PLG: variants seen among roughly 807,000 people sequenced by gnomAD.
The protein encoded by PLG is plasminogen, also known as plasmin.
A neutral mutation model predicts 104.4 loss-of-function variants in PLG; 41 were observed. The observed-to-expected ratio is 0.39, with a 90% CI of 0.31 to 0.51. The LOEUF is 0.51. PLG is among the 20% of genes least tolerant of loss of function. PLG has a pLI of 0.76. For synonymous variants in PLG, 337 were observed against 357.1 expected, an observed-to-expected ratio of 0.94 and a Z score of 0.63; for missense variants, 891 against 1,003.6, an observed-to-expected ratio of 0.89 and a Z score of 1.52.
intron 6 of PLG, among the ~76,000 whole-genome samples, chr6:160,715,875 C>A (rs1777719652): frequency 6.6e-6 from 1 of 152,274 alleles, no homozygotes; most frequent in Non-Finnish European, 1.5e-5. Flanking sequence ...CTGCTGGCTC[C>A]TCTTTCCATC....
chr6:160,715,224 T>C (rs939934448), intron 6 of PLG, among the ~76,000 whole-genome samples: 2 of 152,184 alleles, frequency 1.3e-5, no homozygotes, highest in Non-Finnish European at 2.9e-5. Flanking sequence ...CAAACACTAA[T>C]GTCAGTAATG....
At chr6:160,722,610 G>C in intron 10 of PLG, 43 bp downstream of exon 10, 1 of 1,581,004 alleles carries the variant, frequency 6.3e-7, no homozygotes, top group Non-Finnish European at 8.7e-7. Flanking sequence ...TCAGCCAACT[G>C]AAATTTCTGT....
chr6:160,706,701 CT>C, intron 2 of PLG, 159 bp downstream of exon 2: 2 of 719,724 alleles, frequency 2.8e-6, no homozygotes, highest in Non-Finnish European at 4.8e-6. Flanking sequence ...CTAACAGCTT[CT>C]TGTTAAGGTT....
chr6:160,740,833 C>T lies in PLG; in HGVS notation c.2019-478C>T, dbSNP rs367889094. Among the ~76,000 whole-genome samples, 6 of 152,080 alleles carry T rather than the reference C, an allele frequency of 3.9e-5. No individual in the cohort carries two copies. Among genetic ancestry groups the T allele is most frequent in the East Asian group, 1.9e-4 (1 of 5,190 alleles). On this transcript the variant is annotated intron_variant, in intron 16 of 18. Coordinates refer to ENST00000308192, the MANE Select transcript of PLG (RefSeq NM_000301.5). The surrounding 1 kb of genome is among the most constrained non-coding windows in gnomAD (Gnocchi z 5.2). ...TTTTACTGGATTCTTACAACTATGGCGTAGTAACATTCACTGAGGAGGAAA... is the reference window on the plus strand; with the variant it reads ...TTTTACTGGATTCTTACAACTATGGTGTAGTAACATTCACTGAGGAGGAAA...
rs1778169136 is a variant in PLG at position 160,740,319 on chromosome 6, C to T, written c.2019-992C>T. On this transcript the variant is annotated intron_variant, in intron 16 of 18. Coordinates refer to ENST00000308192, the MANE Select transcript of PLG (RefSeq NM_000301.5). The surrounding 1 kb of genome is among the most constrained non-coding windows in gnomAD (Gnocchi z 5.2). Reference sequence around the variant, plus strand: ...CCCAGTGTCCTCCCCGCCATCCCAGCAAATGTGCAAATAGAAGGTCCCCGT... The same window carrying T: ...CCCAGTGTCCTCCCCGCCATCCCAGTAAATGTGCAAATAGAAGGTCCCCGT... 6.6e-6 allele frequency among the ~76,000 whole-genome samples: 1 copy of T among 152,232 alleles called. No individual in the cohort carries two copies.
intron 10 of PLG, among the ~76,000 whole-genome samples, chr6:160,729,608 A>G (rs1018950010): frequency 2.0e-5 from 3 of 152,236 alleles, no homozygotes; most frequent in Non-Finnish European, 4.4e-5. Flanking sequence ...AAAATATATT[A>G]AGGAAAGGAG....
chr6:160,709,135 G>C (rs1476748489), intron 3 of PLG, among the ~76,000 whole-genome samples: 1 of 152,054 alleles, frequency 6.6e-6, no homozygotes, highest in East Asian at 1.9e-4. Context: ...TGACAGAAGG[G>C]AGCAAAAGGT....
intron 17 of PLG, among the ~76,000 whole-genome samples, chr6:160,749,460 A>G (rs1478404906): frequency 4.0e-5 from 6 of 148,182 alleles, no homozygotes; most frequent in Non-Finnish European, 7.4e-5. Flanking sequence ...CACCATCACC[A>G]TTAACATTAC....
intron 1 of PLG, among the ~76,000 whole-genome samples, chr6:160,705,008 G>C (rs1777491146): frequency 6.6e-6 from 1 of 152,190 alleles, no homozygotes; most frequent in African/African-American, 2.4e-5. Context: ...GCTGTCTTCA[G>C]AGCCAGGCTT....
rs566392051 is a variant in PLG, at chr6:160,702,371, T to C, written c.49+18T>C. On this transcript the variant is annotated intron_variant, in intron 1 of 18. Transcript: ENST00000308192. ...GAAATCAGGTAAGACATAGTTTTTT[T>C]AAATTATAAGAATTATTTTTTCTCC... The C allele has an allele frequency of 7.7e-6, 12 of 1,549,734 alleles. No homozygotes were observed. Among genetic ancestry groups the C allele is most frequent in the Non-Finnish European group, 1.1e-5 (12 of 1,130,074 alleles).
intron 17 of PLG, among the ~76,000 whole-genome samples, chr6:160,750,220 T>C (rs1435475285): frequency 6.6e-6 from 1 of 152,158 alleles, no homozygotes; most frequent in Non-Finnish European, 1.5e-5. Context: ...TTTTTCCAGG[T>C]CAGCCATCAT....
At chr6:160,713,772 G>A (rs1777685077) in intron 5 of PLG, among the ~76,000 whole-genome samples, 1 of 152,166 alleles carries the variant, frequency 6.6e-6, no homozygotes. Context: ...AGACTTTGCT[G>A]TTTTGCTGAA....
At chr6:160,713,331 T>G in intron 5 of PLG, 1 of 532,476 alleles carries the variant, frequency 1.9e-6, no homozygotes, top group Middle Eastern at 5.4e-4. Flanking sequence ...AGTGCAACCG[T>G]GCAATCTCGG....
chr6:160,712,913 T>C (rs919941857), intron 4 of PLG, 73 bp from the exon 5 acceptor site: 21 of 1,114,338 alleles, frequency 1.9e-5, no homozygotes, highest in African/African-American at 3.1e-5. Context: ...ATCGAGAGCA[T>C]CTCCTTCTGC....
chr6:160,728,882 C>T (rs886735138), intron 10 of PLG, among the ~76,000 whole-genome samples: 7 of 151,804 alleles, frequency 4.6e-5, no homozygotes, highest in Non-Finnish European at 1.0e-4. Flanking sequence ...AAAACACTAG[C>T]TTTAAAAGAA....
intron 3 of PLG, among the ~76,000 whole-genome samples, chr6:160,709,413 T>G (rs1350397632): frequency 1.3e-5 from 2 of 152,198 alleles, no homozygotes; most frequent in Non-Finnish European, 2.9e-5. Context: ...GTAACTTCCC[T>G]GTTTAAAGCC....
In PLG at chr6:160,752,076, TG is replaced by T. The variant is rs1562384886; in HGVS notation, c.2126-36del. ...CTGGAATATCCTCCTGAATGTGTTT[TG>T]GGTGCAGTTGCCATTTCTTTCATCT... On this transcript the variant is annotated intron_variant, in intron 17 of 18. Transcript: ENST00000308192. The surrounding 1 kb of genome is among the most constrained non-coding windows in gnomAD (Gnocchi z 4.7). 1 of 1,598,466 alleles carries T rather than the reference TG, an allele frequency of 6.3e-7. No individual in the cohort carries two copies. The highest frequency in any genetic ancestry group is 8.6e-7 in the Non-Finnish European group (1 of 1,166,802).
rs1044272205 is a variant in PLG, at chr6:160,723,915, G to C, written c.1256+1348G>C. Among the ~76,000 whole-genome samples, 1 of 152,062 alleles carries C rather than the reference G, an allele frequency of 6.6e-6. No individual in the cohort carries two copies. Among genetic ancestry groups the C allele is most frequent in the Non-Finnish European group, 1.5e-5 (1 of 68,014 alleles). ...GGATTAGTGTATTCCTATAATAAAG[G>C]CCACTCCAGAAACAGCATAGTAAAG... On this transcript the variant is annotated intron_variant, in intron 10 of 18. Coordinates refer to ENST00000308192, the MANE Select transcript of PLG (RefSeq NM_000301.5). The surrounding 1 kb of genome is among the most constrained non-coding windows in gnomAD (Gnocchi z 4.7).
At position 160,735,897 on chromosome 6, in the gene PLG, T is replaced by A. The variant is rs1406892; in HGVS notation, c.1682-990T>A. The stretch of plus-strand genomic sequence containing the variant: ...GCATTCTATGCCTTGCTTCTTTTTT[T>A]AAAAAAAGGCTTCCATAGATAGATT... On this transcript the variant is annotated intron_variant, in intron 13 of 18. Coordinates refer to ENST00000308192, the MANE Select transcript of PLG (RefSeq NM_000301.5). The surrounding 1 kb of genome is among the most constrained non-coding windows in gnomAD (Gnocchi z 5.4). 0.67 allele frequency among the ~76,000 whole-genome samples: 102,078 copies of A among 151,470 alleles called. 35,072 individuals are homozygous for A. The highest frequency in any genetic ancestry group is 0.78 in the African/African-American group (32,346 of 41,228).
Sources: gnomAD v4.1 joint callset for allele counts (sites outside exome capture counted in the v4.1 genomes callset) on GRCh38, gnomAD v4.1.1 for gene constraint, Gnocchi (gnomAD v3.1) non-coding constraint, MANE v1.5 for transcripts, NCBI Gene and HGNC (gene_info 2026-07-23, HGNC 2026-07-21) for gene names.